ABCC11: variants seen among roughly 807,000 people sequenced by gnomAD.
ABCC11 encodes ATP-binding cassette sub-family C member 11.
Under a neutral mutation model 149.3 loss-of-function variants are expected in ABCC11, and 135 were observed. That is an observed-to-expected ratio of 0.90 (90% CI 0.79 to 1.04). The LOEUF (loss-of-function observed/expected upper bound fraction) is 1.04, where lower values mean the gene tolerates loss of function less well. ABCC11 is among the 50% of genes least tolerant of loss of function. The pLI is 0.00. For synonymous variants in ABCC11, 665 were observed against 671.4 expected, an observed-to-expected ratio of 0.99 and a Z score of 0.15; for missense variants, 1,680 against 1,722.1, an observed-to-expected ratio of 0.98 and a Z score of 0.43.
rs766665625 is a variant in ABCC11, at chr16:48,224,390, C to A, written c.435G>T (p.Gly145=). Residue 145 remains glycine, a synonymous_variant, in exon 5 of 30, where the codon GGG becomes GGT. Transcript: ENST00000356608. ...RLWEEEVSRR[G]IEKASVLLVM... is the part of the protein sequence containing the mutation. ...CCAGAAGCACTGAAGCTTTTTCAAT[C>A]CCTCGCCTTGAGACTTCTTCTTCCC... 4 of 1,614,030 alleles carry A rather than the reference C, an allele frequency of 2.5e-6. No homozygotes were observed. The Admixed American group carries it at 5.0e-5, about 20-fold the overall frequency.
Position 48,205,294 on chromosome 16 carries a change from T to C in ABCC11, c.1805+119A>G. 3 of 1,396,112 alleles carry C rather than the reference T, an allele frequency of 2.1e-6. No homozygotes were observed. The South Asian group carries it at 4.1e-5, about 19-fold the overall frequency. 86.5% of individuals were successfully genotyped at this position (1,396,112 alleles called of 1,614,324 possible). A position where few individuals can be genotyped will look rare whatever the true frequency, so the allele number is the denominator to read the frequency against. On this transcript the variant is annotated intron_variant, in intron 13 of 29. Transcript: ENST00000356608. ...CTTTCACAGTGAGGGGTGAATATGA[T>C]AATGCGTTTAAGTGGAGCACACAAG...
chr16:48,169,832 G>A (rs1012028953), intron 28 of ABCC11, among the ~76,000 whole-genome samples: 1 of 151,906 alleles, frequency 6.6e-6, no homozygotes, highest in Non-Finnish European at 1.5e-5. Flanking sequence ...GAGTTAACGG[G>A]TGCAGCACAC....
rs771718361 is a variant in ABCC11, at chr16:48,167,562, G to C, written c.3990C>G (p.Leu1330=). Residue 1330 remains leucine, a synonymous_variant, in exon 29 of 30, where the codon CTC becomes CTG. Transcript: ENST00000356608. The stretch of plus-strand genomic sequence containing the variant: ...CAGTGGTGACACGGTGGGCAATGAC[G>C]AGCACGGTGCAGCCCTGGAAGGCTT... ...IREAFQGCTV[L]VIAHRVTTVL... 1.2e-6 allele frequency: 2 copies of C among 1,614,150 alleles called. No homozygotes were observed. The highest frequency in any genetic ancestry group is 1.1e-5 in the South Asian group (1 of 91,078).
intron 3 of ABCC11, among the ~76,000 whole-genome samples, chr16:48,230,067 C>A (rs1970329805): frequency 6.6e-6 from 1 of 152,204 alleles, no homozygotes; most frequent in African/African-American, 2.4e-5. Context: ...TCAACACTCG[C>A]ATACTTCTTC....
intron 1 of ABCC11, among the ~76,000 whole-genome samples, chr16:48,233,801 G>A (rs1280992101): frequency 2.0e-5 from 3 of 152,214 alleles, no homozygotes; most frequent in Admixed American, 6.5e-5. Flanking sequence ...ACCTGTGGTT[G>A]CAATTGGTGA....
chr16:48,208,106 C>T (rs1968600565), intron 12 of ABCC11, among the ~76,000 whole-genome samples: 1 of 152,046 alleles, frequency 6.6e-6, no homozygotes, highest in African/African-American at 2.4e-5. Flanking sequence ...AGACTCAACT[C>T]TCTGTGAAAT....
intron 15 of ABCC11, 24 bp from the exon 16 acceptor site, chr16:48,198,299 G>T (rs368581458): frequency 4.7e-5 from 75 of 1,606,854 alleles, no homozygotes; most frequent in Non-Finnish European, 4.4e-5. Context: ...AGAAAGAAAG[G>T]CTTCAGTAAG....
intron 4 of ABCC11, among the ~76,000 whole-genome samples, chr16:48,227,070 G>A (rs975532065): frequency 2.0e-5 from 3 of 152,148 alleles, no homozygotes; most frequent in South Asian, 4.1e-4. Context: ...ACTAGTTAGC[G>A]GTGGCTTGAG....
intron 20 of ABCC11, 69 bp downstream of exon 20, chr16:48,192,451 A>G (rs1319494333): frequency 1.3e-6 from 2 of 1,525,478 alleles, no homozygotes; most frequent in African/African-American, 2.8e-5. Flanking sequence ...AAAAAAATAA[A>G]AAAATAAAAA....
intron 1 of ABCC11, chr16:48,244,455 C>T (rs1971219644): frequency 1.3e-6 from 2 of 1,596,666 alleles, no homozygotes; most frequent in African/African-American, 1.3e-5. Context: ...CGAGGGCGTC[C>T]TGCTGCCCGG....
Position 48,237,742 on chromosome 16 carries a change from G to A in ABCC11, c.-18-5803C>T, listed in dbSNP as rs139649775. Among the ~76,000 whole-genome samples, 229 of 152,214 alleles carry A rather than the reference G, an allele frequency of 1.5e-3. 1 individual carries two copies. The highest frequency in any genetic ancestry group is 5.2e-3 in the African/African-American group (218 of 41,530). On this transcript the variant is annotated intron_variant, in intron 1 of 29. Transcript: ENST00000356608. ...TGCAACTGAAATCACTAGGTCCCAA[G>A]CTCAGACATTCCAGGAACAGGTTCC...
At chr16:48,187,871 T>C (rs1334685097) in intron 20 of ABCC11, among the ~76,000 whole-genome samples, 6 of 152,104 alleles carry the variant, frequency 3.9e-5, no homozygotes, top group Non-Finnish European at 8.8e-5. Context: ...GAGACTTGAC[T>C]CTGGAGGCAG....
chr16:48,183,091 G>A (rs755235186), intron 23 of ABCC11, among the ~76,000 whole-genome samples: 1 of 152,198 alleles, frequency 6.6e-6, no homozygotes, highest in South Asian at 2.1e-4. Flanking sequence ...TAAGTAACTT[G>A]GCCATGTTCC....
At chr16:48,224,741 G>A (rs1262291138) in intron 4 of ABCC11, among the ~76,000 whole-genome samples, 19 of 152,096 alleles carry the variant, frequency 1.2e-4, no homozygotes, top group Admixed American at 5.9e-4. Context: ...CATAGCACAG[G>A]GCCAGGCGCA....
chr16:48,167,182 A>G lies in ABCC11; in HGVS notation c.*92T>C. ...GCTTCCAGGAGAAGTTCTCATCTCC[A>G]AACAAGAAGGTCGCAGACTGTGGGC... On this transcript the variant is annotated 3_prime_UTR_variant, in exon 30 of 30. Coordinates refer to ENST00000356608, the MANE Select transcript of ABCC11 (RefSeq NM_001370497.1). 1 of 521,358 alleles carries G rather than the reference A, an allele frequency of 1.9e-6. No individual in the cohort carries two copies. The highest frequency in any genetic ancestry group is 3.7e-6 in the Non-Finnish European group (1 of 269,978). The allele number at this position is 521,358 out of a possible 1,614,324, so 32.3% of individuals were successfully genotyped here.
Position 48,198,173 on chromosome 16 carries a change from GT to G in ABCC11, c.2184del (p.Gln728HisfsTer21), listed in dbSNP as rs775949405. On this transcript the variant is annotated frameshift_variant, in exon 16 of 30. Transcript: ENST00000356608. LOFTEE classifies it high-confidence loss of function. ...ELMQKKGKYA[Q>X]LIQKMHKEAT... ...GCTTCCTTGTGCATCTTCTGGATAA[GT>G]TGGGCATATTTCCCCTTTTTCTGCA... 18 of 1,614,210 alleles carry G rather than the reference GT, an allele frequency of 1.1e-5. No individual in the cohort carries two copies. The East Asian group carries it at 3.8e-4, about 34-fold the overall frequency.
chr16:48,215,499 T>A (rs28479629), intron 7 of ABCC11, among the ~76,000 whole-genome samples, 155 bp from the exon 8 acceptor site: 2,313 of 152,286 alleles, frequency 0.015, 59 homozygotes, highest in African/African-American at 0.053. Flanking sequence ...CCTTAGAGCA[T>A]CCCAGGGGCC....
At chr16:48,193,625 A>G (rs2150790631) in intron 19 of ABCC11, among the ~76,000 whole-genome samples, 2 of 152,336 alleles carry the variant, frequency 1.3e-5, no homozygotes, top group Middle Eastern at 6.8e-3. Context: ...TTCTTGGGGC[A>G]CTGTCTGGGG....
At chr16:48,200,130 T>C in intron 15 of ABCC11, 146 bp downstream of exon 15, 1 of 793,686 alleles carries the variant, frequency 1.3e-6, no homozygotes, top group Non-Finnish European at 1.9e-6. Context: ...CCAAGTTTTT[T>C]ACAGCCCTCC....
Sources: gnomAD v4.1 joint callset for allele counts (sites outside exome capture counted in the v4.1 genomes callset) on GRCh38, gnomAD v4.1.1 for gene constraint, MANE v1.5 for transcripts, NCBI Gene and HGNC (gene_info 2026-07-23, HGNC 2026-07-21) for gene names.